IFT140: variants seen among roughly 807,000 people sequenced by gnomAD.
IFT140 encodes the protein intraflagellar transport protein 140 homolog.
IFT140 carries 133 observed loss-of-function variants against 164.6 expected under a neutral mutation model. That is an observed-to-expected ratio of 0.81 (90% confidence interval 0.70 to 0.93). The LOEUF is 0.93. Ranked by LOEUF, IFT140 falls within the 40% of genes least tolerant of loss-of-function variation. The pLI, the probability that IFT140 is intolerant of heterozygous loss-of-function variation, is 0.00. For synonymous variants in IFT140, 860 were observed against 817.3 expected, an observed-to-expected ratio of 1.05 and a Z score of -0.89; for missense variants, 2,045 against 1,972.3, an observed-to-expected ratio of 1.04 and a Z score of -0.70.
rs743963 is a variant in IFT140, at chr16:1,607,349, A to T, written c.-31-52T>A. The T allele has an allele frequency of 0.29, 418,033 of 1,422,598 alleles. 66,446 individuals carry two copies. The highest frequency in any genetic ancestry group is 0.57 in the African/African-American group (39,720 of 69,162). The allele number at this position is 1,422,598 out of a possible 1,614,324, so 88.1% of individuals were successfully genotyped here. On this transcript the variant is annotated intron_variant, in intron 2 of 30. Transcript: ENST00000426508. ...CCAATCAGTTTTAAATAAAACAAAC[A>T]ATATGACTGTACATGGAATGACGAA...
Position 1,524,809 on chromosome 16 carries a change from T to C in IFT140, c.2972A>G (p.His991Arg), listed in dbSNP as rs1308482000. ...ARDHFSLVRIHCFQGNVQKAA... is the reference protein window; with the variant it reads ...ARDHFSLVRIRCFQGNVQKAA... ...CTTCTGGACATTGCCCTGGAAGCAG[T>C]GGATGCGGACCAGGGAGAAGTGGTC... The change falls in exon 23 of 31, where the codon CAC becomes CGC. Residue 991 changes from histidine to arginine, a missense_variant. His to Arg is a conservative substitution (Grantham distance 29). Transcript: ENST00000426508. 1 of 1,610,604 alleles carries C rather than the reference T, an allele frequency of 6.2e-7. No individual in the cohort carries two copies. The highest frequency in any genetic ancestry group is 1.3e-5 in the African/African-American group (1 of 74,862).
At chr16:1,601,943 A>C (rs2035815721) in intron 4 of IFT140, among the ~76,000 whole-genome samples, 1 of 152,186 alleles carries the variant, frequency 6.6e-6, no homozygotes, top group Non-Finnish European at 1.5e-5. Context: ...TGTCCTGTGT[A>C]CTGTGTGATG....
intron 10 of IFT140, among the ~76,000 whole-genome samples, chr16:1,585,280 C>A (rs1266525433): frequency 6.6e-6 from 1 of 152,146 alleles, no homozygotes; most frequent in Non-Finnish European, 1.5e-5. Flanking sequence ...TCTGGAGGGG[C>A]CTTGAAACCT....
chr16:1,604,899 G>C (rs1020749609), intron 3 of IFT140, among the ~76,000 whole-genome samples: 2 of 152,096 alleles, frequency 1.3e-5, no homozygotes, highest in African/African-American at 4.8e-5. Context: ...ATTGAGATGG[G>C]AGGTGCCCAT....
Position 1,589,643 on chromosome 16 carries a change from T to A in IFT140, c.772A>T (p.Thr258Ser), listed in dbSNP as rs141254616. 3.0e-4 allele frequency: 478 copies of A among 1,614,180 alleles called. 4 individuals carry two copies. In the East Asian group the frequency reaches 0.011, roughly 36 times the overall value. ...VTENLRLSLY[T>S]VPPEGKAEEV... is the part of the protein sequence containing the mutation. ...TCTGCTTTGCCCTCAGGAGGCACCG[T>A]GTACAGGGACAGCCGGAGGTTCTCT... The change falls in exon 7 of 31, where the codon ACG becomes TCG. Residue 258 changes from threonine to serine, a missense_variant. Transcript: ENST00000426508.
At chr16:1,597,178 C>T (rs1487034776) in intron 4 of IFT140, among the ~76,000 whole-genome samples, 1 of 152,176 alleles carries the variant, frequency 6.6e-6, no homozygotes, top group Non-Finnish European at 1.5e-5. Context: ...GTTTACTTGA[C>T]CCTCAGACTT....
chr16:1,511,832 G>A (rs938569177), intron 30 of IFT140, among the ~76,000 whole-genome samples: 1 of 151,684 alleles, frequency 6.6e-6, no homozygotes. Flanking sequence ...GGACACAGGG[G>A]ACACAGGACG....
chr16:1,589,310 T>C (rs775911133), intron 7 of IFT140, among the ~76,000 whole-genome samples: 11 of 152,226 alleles, frequency 7.2e-5, no homozygotes, highest in Non-Finnish European at 1.5e-4. Context: ...TGTGACTCTC[T>C]TACTTGCACC....
At position 1,587,897 on chromosome 16, in the gene IFT140, C is replaced by T. The variant is rs748463014; in HGVS notation, c.902+36G>A. 1.0e-5 allele frequency: 16 copies of T among 1,526,548 alleles called. No individual in the cohort carries two copies. In the South Asian group the frequency reaches 1.6e-4, roughly 16 times the overall value. 94.6% of individuals were successfully genotyped at this position (1,526,548 alleles called of 1,614,324 possible). A position where few individuals can be genotyped will look rare whatever the true frequency, so the allele number is the denominator to read the frequency against. On this transcript the variant is annotated intron_variant, in intron 8 of 30. Coordinates refer to ENST00000426508, the MANE Select transcript of IFT140 (RefSeq NM_014714.4). ...TTAGAGGAGCCTGTTCCTCAGGGAA[C>T]TCTCATCAAGGGGCACTGGAAAGGC...
At chr16:1,606,711 C>T (rs1377119705) in intron 3 of IFT140, among the ~76,000 whole-genome samples, 2 of 152,174 alleles carry the variant, frequency 1.3e-5, no homozygotes, top group Admixed American at 1.3e-4. Context: ...CCACCCACCT[C>T]GGCCTCCCAA....
Position 1,525,309 on chromosome 16 carries a change from G to A in IFT140, c.2786C>T (p.Thr929Met), listed in dbSNP as rs757585192. 98 of 1,611,648 alleles carry A rather than the reference G, an allele frequency of 6.1e-5. 1 individual carries two copies. The highest frequency in any genetic ancestry group is 4.9e-4 in the East Asian group (22 of 44,878). ...CATCCTGGGCACCTCGAAGCGGTGC[G>A]TGTCCGACTTCTCGTAGCTGTGAGA... ...RALSYYEKSDTHRFEVPRMLS... is the reference protein window; with the variant it reads ...RALSYYEKSDMHRFEVPRMLS... The change falls in exon 22 of 31, where the codon ACG (threonine) becomes ATG (methionine). Residue 929 changes from threonine (T) to methionine (M), a missense_variant. By Grantham distance (81) the Thr-to-Met change is moderately conservative. Coordinates refer to ENST00000426508, the MANE Select transcript of IFT140 (RefSeq NM_014714.4).
At chr16:1,515,530 C>G (rs146348122) in intron 30 of IFT140, among the ~76,000 whole-genome samples, 1 of 152,120 alleles carries the variant, frequency 6.6e-6, no homozygotes, top group African/African-American at 2.4e-5. Context: ...CCTCAGCCTC[C>G]CAAGCAGCCA....
chr16:1,519,204 C>A (rs1021597687), intron 29 of IFT140, among the ~76,000 whole-genome samples: 2 of 152,228 alleles, frequency 1.3e-5, no homozygotes, highest in Admixed American at 6.5e-5. Flanking sequence ...CTTTGTACGA[C>A]CTTGTTCAAA....
At chr16:1,555,229 G>A (rs976446071) in intron 19 of IFT140, 3 of 637,056 alleles carry the variant, frequency 4.7e-6, no homozygotes, top group South Asian at 2.1e-5. Flanking sequence ...GGCCAACCTC[G>A]TTCTGCCTCC....
chr16:1,610,629 C>T, intron 2 of IFT140, 35 bp downstream of exon 2: 1 of 152,320 alleles, frequency 6.6e-6, no homozygotes, highest in East Asian at 1.9e-4. Context: ...CTCCTAAGGA[C>T]CTGGGTCGGC....
chr16:1,536,940 C>T (rs2031132032), intron 19 of IFT140, among the ~76,000 whole-genome samples: 1 of 152,246 alleles, frequency 6.6e-6, no homozygotes, highest in South Asian at 2.1e-4. Context: ...ATGAACCTTT[C>T]TGCAAAATCC....
rs1489549268 is a variant in IFT140, at chr16:1,580,822, T to C, written c.1461A>G (p.Leu487=). 1 of 1,613,780 alleles carries C rather than the reference T, an allele frequency of 6.2e-7. No individual in the cohort carries two copies. Among genetic ancestry groups the C allele is most frequent in the Non-Finnish European group, 8.5e-7 (1 of 1,179,776 alleles). The change falls in exon 13 of 31, where the codon TTA becomes TTG. Residue 487 remains leucine, a synonymous_variant. Coordinates refer to ENST00000426508, the MANE Select transcript of IFT140 (RefSeq NM_014714.4). ...TGTAAACGTTTTCTTCATGCATTGCTAACACAGGCGTCTCACACAAGAAGG... is the reference window on the plus strand; with the variant it reads ...TGTAAACGTTTTCTTCATGCATTGCCAACACAGGCGTCTCACACAAGAAGG... The part of the protein sequence containing the change: ...AGTFLCETPV[L]AMHEENVYTV...
At chr16:1,534,622 G>A in intron 19 of IFT140, 2 of 1,593,460 alleles carry the variant, frequency 1.3e-6, no homozygotes, top group Non-Finnish European at 1.7e-6. Context: ...GGAGATGTTA[G>A]GCGCGGACCT....
intron 19 of IFT140, chr16:1,555,053 G>T: frequency 6.3e-7 from 1 of 1,587,218 alleles, no homozygotes. Context: ...CTCCATCAAC[G>T]CACACCTGCT....
Sources: allele counts gnomAD v4.1 joint callset (sites outside exome capture counted in the v4.1 genomes callset), GRCh38; gene constraint gnomAD v4.1.1; transcripts MANE v1.5; gene names NCBI Gene and HGNC (gene_info 2026-07-23, HGNC 2026-07-21).